ADAM28: variants seen among roughly 807,000 people sequenced by gnomAD.
The protein encoded by ADAM28 is ADAM metallopeptidase domain 28, also known as disintegrin and metalloproteinase domain-containing protein 28.
In ADAM28, 105 loss-of-function variants were observed where a neutral mutation model predicts 101.2. That is an observed-to-expected ratio of 1.04 (90% CI 0.89 to 1.22). The LOEUF is 1.22. ADAM28 is among the 50% of genes most tolerant of loss of function. The pLI, the probability that ADAM28 is intolerant of heterozygous loss-of-function variation, is 0.00. For synonymous variants in ADAM28, 322 were observed against 310.6 expected (o/e 1.04, Z -0.39); for missense variants, 1,028 against 945.4 (o/e 1.09, Z -1.15).
rs1816794797 is a variant in ADAM28 at position 24,358,083 on chromosome 8, A to G, written c.*3679A>G. ...AGTTTAATTTTATAAAGGCTAACCAATTAACTGTTTTTAACTTATATTTCC... is the reference window on the plus strand; with the variant it reads ...AGTTTAATTTTATAAAGGCTAACCAGTTAACTGTTTTTAACTTATATTTCC... On this transcript the variant is annotated 3_prime_UTR_variant, in exon 23 of 23. Coordinates refer to ENST00000265769, the MANE Select transcript of ADAM28 (RefSeq NM_014265.6). The G allele has an allele frequency of 3.5e-5, 5 of 142,214 alleles. No homozygotes were observed. The South Asian group carries it at 1.2e-3, about 33-fold the overall frequency. 8.8% of individuals were successfully genotyped at this position (142,214 alleles called of 1,614,324 possible). A position where few individuals can be genotyped will look rare whatever the true frequency, so the allele number is the denominator to read the frequency against.
At chr8:24,311,998 C>T (rs971742696) in intron 5 of ADAM28, among the ~76,000 whole-genome samples, 5 of 152,084 alleles carry the variant, frequency 3.3e-5, no homozygotes, top group Non-Finnish European at 5.9e-5. Flanking sequence ...CTCAGCCTCC[C>T]AAAGTGCTGG....
At chr8:24,312,041 T>C (rs1224437941) in intron 5 of ADAM28, among the ~76,000 whole-genome samples, 9 of 152,012 alleles carry the variant, frequency 5.9e-5, no homozygotes, top group African/African-American at 1.9e-4. Flanking sequence ...CCCCAGACTC[T>C]CTCCCCACTT....
chr8:24,346,232 T>C (rs1482975543), intron 18 of ADAM28, among the ~76,000 whole-genome samples: 1 of 152,094 alleles, frequency 6.6e-6, no homozygotes, highest in Non-Finnish European at 1.5e-5. Flanking sequence ...TTATAAACCA[T>C]AATAGTATTA....
rs1008297441 is a variant in ADAM28, at chr8:24,316,061, CATTTATTT to C, written c.576+2508_576+2515del. Among the ~76,000 whole-genome samples the C allele has an allele frequency of 2.9e-3, 360 of 122,496 alleles. 1 individual carries two copies. Among genetic ancestry groups the C allele is most frequent in the Non-Finnish European group, 4.1e-3 (207 of 50,986 alleles). The allele number at this position is 122,496 out of a possible 152,430, so 80.4% of individuals were successfully genotyped here. A position where few individuals can be genotyped will look rare whatever the true frequency, so the allele number is the denominator to read the frequency against. On this transcript the variant is annotated intron_variant, in intron 6 of 22. Coordinates refer to ENST00000265769, the MANE Select transcript of ADAM28 (RefSeq NM_014265.6). ...AAAAGTTCCTCAACATCATAAAGGC[CATTTATTT>C]ATTTATTTATTTATTTATTTATTTA... is the stretch of plus-strand genomic sequence containing the variant.
chr8:24,311,495 TAACC>T (rs1310332679), intron 5 of ADAM28, 58 bp downstream of exon 5: 2 of 1,378,388 alleles, frequency 1.5e-6, no homozygotes, highest in Non-Finnish European at 2.0e-6. Context: ...TGTATGTATC[TAACC>T]AACCAGATGA....
At chr8:24,322,143 G>A (rs950226796) in intron 8 of ADAM28, among the ~76,000 whole-genome samples, 40 of 151,892 alleles carry the variant, frequency 2.6e-4, no homozygotes, top group Non-Finnish European at 1.2e-4. Context: ...TATGCTGATG[G>A]GAATTATTTG....
intron 19 of ADAM28, among the ~76,000 whole-genome samples, chr8:24,350,809 A>AGAGT (rs979969192): frequency 3.3e-5 from 5 of 151,726 alleles, no homozygotes; most frequent in African/African-American, 1.2e-4. Flanking sequence ...TCAGTCTTGC[A>AGAGT]GAGTAAGTGG....
intron 1 of ADAM28, 120 bp from the exon 2 acceptor site, chr8:24,299,854 T>C: frequency 1.5e-6 from 1 of 679,254 alleles, no homozygotes; most frequent in Non-Finnish European, 2.5e-6. Context: ...CACTCTGACA[T>C]TCATCACTTC....
rs1812196636 is a variant in ADAM28 at position 24,323,834 on chromosome 8, C to A, written c.721C>A (p.Leu241Ile). 1.9e-6 allele frequency: 3 copies of A among 1,605,620 alleles called. No individual in the cohort carries two copies. The South Asian group carries it at 3.3e-5, about 18-fold the overall frequency. Residue 241 changes from leucine to isoleucine, a missense_variant and splice_region_variant, in exon 9 of 23, where the codon CTT (leucine) becomes ATT (isoleucine). By Grantham distance (5) the Leu-to-Ile change is conservative. Transcript: ENST00000265769. ...TTTGCCATTTATTTTCTTTGGACAG[C>A]TTTATAAAAAGCTCAATACTCATGT... is the stretch of plus-strand genomic sequence containing the variant. ...VFEMANYVNM[L>I]YKKLNTHVAL... is the part of the protein sequence containing the mutation.
chr8:24,326,437 G>A, intron 9 of ADAM28, 117 bp from the exon 10 acceptor site: 4 of 875,328 alleles, frequency 4.6e-6, no homozygotes, highest in Non-Finnish European at 6.8e-6. Context: ...AGAAAAATAT[G>A]ACAGTGATGG....
chr8:24,345,764 T>TA (rs1466652370), intron 18 of ADAM28, among the ~76,000 whole-genome samples: 3 of 152,130 alleles, frequency 2.0e-5, no homozygotes, highest in Non-Finnish European at 4.4e-5. Context: ...TAAGCACTGT[T>TA]AAAAGTATTT....
chr8:24,324,322 A>C (rs1030380929), intron 9 of ADAM28, among the ~76,000 whole-genome samples: 1 of 151,992 alleles, frequency 6.6e-6, no homozygotes, highest in African/African-American at 2.4e-5. Flanking sequence ...AGTTAGAAGA[A>C]ACATCTAAGA....
intron 12 of ADAM28, among the ~76,000 whole-genome samples, chr8:24,332,301 C>T (rs1461472550): frequency 6.6e-6 from 1 of 152,132 alleles, no homozygotes; most frequent in African/African-American, 2.4e-5. Context: ...GGATTTACTG[C>T]TAGATATGTA....
chr8:24,311,368 G>T lies in ADAM28; in HGVS notation c.314G>T (p.Cys105Phe), dbSNP rs773059561. The change falls in exon 5 of 23, where the codon TGT (cysteine) becomes TTT (phenylalanine). Residue 105 changes from cysteine (C) to phenylalanine (F), a missense_variant. Physicochemically the swap from Cys to Phe is radical, Grantham distance 205. Coordinates refer to ENST00000265769, the MANE Select transcript of ADAM28 (RefSeq NM_014265.6). ...ITTSPQIMDDCYYQGHILNEK... is the reference protein window; with the variant it reads ...ITTSPQIMDDFYYQGHILNEK... ...AAACCCCTTTTCCTTTAGGATGATT[G>T]TTATTATCAAGGACATATTCTTAAT... 6.2e-7 allele frequency: 1 copy of T among 1,612,050 alleles called. No individual in the cohort carries two copies. Among genetic ancestry groups the T allele is most frequent in the Non-Finnish European group, 8.5e-7 (1 of 1,179,002 alleles).
chr8:24,309,991 T>C (rs1810232003), intron 3 of ADAM28, 21 bp downstream of exon 3: 3 of 1,543,600 alleles, frequency 1.9e-6, no homozygotes, highest in African/African-American at 1.4e-5. Context: ...TTACCTGTGA[T>C]ATTATCCTCA....
chr8:24,338,181 A>ATGAT (rs1814323602), intron 14 of ADAM28, among the ~76,000 whole-genome samples: 2 of 152,194 alleles, frequency 1.3e-5, no homozygotes, highest in Non-Finnish European at 2.9e-5. Context: ...GCATTTTTTA[A>ATGAT]TGATAGTGGA....
In ADAM28 at chr8:24,346,712, A is replaced by G. The variant is rs114663113; in HGVS notation, c.1990+3128A>G. Among the ~76,000 whole-genome samples, 493 of 152,238 alleles carry G rather than the reference A, an allele frequency of 3.2e-3. 2 individuals carry two copies. The highest frequency in any genetic ancestry group is 0.011 in the African/African-American group (467 of 41,560). On this transcript the variant is annotated intron_variant, in intron 18 of 22. Transcript: ENST00000265769. ...CCTGATGATTACAAAATGAACGCTCATGTAATATAATAAGGGCCAAGAAAT... is the reference window on the plus strand; with the variant it reads ...CCTGATGATTACAAAATGAACGCTCGTGTAATATAATAAGGGCCAAGAAAT...
intron 20 of ADAM28, 38 bp from the exon 21 acceptor site, chr8:24,351,949 C>T: frequency 2.5e-6 from 4 of 1,606,904 alleles, no homozygotes; most frequent in Non-Finnish European, 3.4e-6. Context: ...GCTTATGAAA[C>T]TAATGGTTCA....
chr8:24,346,451 T>C (rs926787119), intron 18 of ADAM28, among the ~76,000 whole-genome samples: 1 of 152,236 alleles, frequency 6.6e-6, no homozygotes, highest in African/African-American at 2.4e-5. Context: ...TTCACAACTG[T>C]ATCCCAACAT....
Sources: allele counts gnomAD v4.1 joint callset (sites outside exome capture counted in the v4.1 genomes callset), GRCh38; gene constraint gnomAD v4.1.1; transcripts MANE v1.5; gene names NCBI Gene and HGNC (gene_info 2026-07-23, HGNC 2026-07-21).